TASP1: variants seen among roughly 807,000 people sequenced by gnomAD.
TASP1 encodes the protein threonine aspartase 1.
In TASP1, 16 loss-of-function variants were observed where a neutral mutation model predicts 56.6. The observed-to-expected ratio is 0.28, with a 90% CI of 0.19 to 0.43. TASP1 has a LOEUF of 0.43. Among genes scored for constraint, TASP1 ranks in the 20% least tolerant of loss-of-function variants. The pLI is 1.00. For missense variants in TASP1, 393 were observed against 511.6 expected (o/e 0.77, Z 2.24); for synonymous variants, 179 against 184.2 (o/e 0.97, Z 0.23).
At chr20:13,198,487 A>T in the TASP1 span, among the ~76,000 whole-genome samples, 1 of 152,170 alleles carries the variant, frequency 6.6e-6, no homozygotes, top group African/African-American at 2.4e-5. Context: ...TCCTAATACT[A>T]TCACATTGAG....
the TASP1 span, among the ~76,000 whole-genome samples, chr20:13,229,684 T>C: frequency 3.3e-5 from 5 of 152,238 alleles, no homozygotes; most frequent in Admixed American, 2.0e-4. Flanking sequence ...AAATTTCTAG[T>C]AGTAAGGCTG....
the TASP1 span, among the ~76,000 whole-genome samples, chr20:13,195,297 T>A: frequency 6.6e-6 from 1 of 152,232 alleles, no homozygotes; most frequent in Non-Finnish European, 1.5e-5. Flanking sequence ...CTAGATTTAC[T>A]TGGCCTTCCC....
At chr20:13,573,149 T>A (rs540891432) in intron 6 of TASP1, among the ~76,000 whole-genome samples, 7 of 152,364 alleles carry the variant, frequency 4.6e-5, no homozygotes, top group Middle Eastern at 6.8e-3. Flanking sequence ...AAATAACACA[T>A]AACAACCAAA....
intron 7 of TASP1, 127 bp downstream of exon 7, chr20:13,569,380 C>T (rs1601285445): frequency 1.5e-6 from 1 of 659,090 alleles, no homozygotes; most frequent in Non-Finnish European, 2.3e-6. Context: ...TAGCTTTTAA[C>T]TACAAATCTT....
At chr20:13,315,190 A>G in the TASP1 span, among the ~76,000 whole-genome samples, 2 of 152,110 alleles carry the variant, frequency 1.3e-5, no homozygotes, top group Non-Finnish European at 2.9e-5. Context: ...GTATTGATGT[A>G]ACTATATCAA....
chr20:13,439,298 C>T (rs948947983), intron 11 of TASP1, among the ~76,000 whole-genome samples: 3 of 152,178 alleles, frequency 2.0e-5, no homozygotes, highest in African/African-American at 7.2e-5. Flanking sequence ...AAATGTGGCA[C>T]ATATACACCA....
chr20:13,494,326 C>A (rs1228219171), intron 10 of TASP1, among the ~76,000 whole-genome samples: 1 of 152,130 alleles, frequency 6.6e-6, no homozygotes, highest in Non-Finnish European at 1.5e-5. Flanking sequence ...AAATATTTAC[C>A]ACTGAATGTA....
the TASP1 span, among the ~76,000 whole-genome samples, chr20:13,330,082 G>A: frequency 1.1e-4 from 17 of 151,678 alleles, no homozygotes; most frequent in South Asian, 2.1e-4. Flanking sequence ...TCAGCCTCCC[G>A]AGTAGCTGGG....
the TASP1 span, among the ~76,000 whole-genome samples, chr20:13,198,792 G>GTCTTTCTTTCTTTCTT: frequency 1.8e-5 from 2 of 114,040 alleles, no homozygotes; most frequent in East Asian, 2.6e-4. Flanking sequence ...TTCTTTCTTT[G>GTCTTTCTTTCTTTCTT]TCTTTCTTTC....
chr20:13,265,281 C>T, the TASP1 span, among the ~76,000 whole-genome samples: 1 of 152,166 alleles, frequency 6.6e-6, no homozygotes, highest in African/African-American at 2.4e-5. Context: ...TATTTCAGTT[C>T]AAACATTGCT....
intron 10 of TASP1, among the ~76,000 whole-genome samples, chr20:13,484,368 A>T (rs967617824): frequency 1.3e-5 from 2 of 152,196 alleles, no homozygotes; most frequent in African/African-American, 4.8e-5. Context: ...GTATGTTTCT[A>T]GCAGCACTCT....
chr20:13,318,747 A>T, the TASP1 span, among the ~76,000 whole-genome samples: 1 of 152,198 alleles, frequency 6.6e-6, no homozygotes, highest in Non-Finnish European at 1.5e-5. Flanking sequence ...TTTGAAACTC[A>T]GTGAAAAAAG....
the TASP1 span, among the ~76,000 whole-genome samples, chr20:13,297,468 T>G: frequency 1.3e-5 from 2 of 152,318 alleles, no homozygotes; most frequent in Admixed American, 1.3e-4. Flanking sequence ...TCATTTTCAC[T>G]GGAATCTTTT....
chr20:13,408,910 A>T (rs1271694504), intron 13 of TASP1, among the ~76,000 whole-genome samples: 1 of 150,824 alleles, frequency 6.6e-6, no homozygotes, highest in African/African-American at 2.4e-5. Flanking sequence ...AATTTCACTA[A>T]TTTTTTTTCA....
chr20:13,437,193 G>A (rs147946554), intron 11 of TASP1, among the ~76,000 whole-genome samples: 123 of 152,136 alleles, frequency 8.1e-4, no homozygotes, highest in African/African-American at 2.6e-3. Flanking sequence ...GGGATGCAAG[G>A]CTGGTTCAAC....
chr20:13,345,933 A>G, the TASP1 span, among the ~76,000 whole-genome samples: 14 of 146,994 alleles, frequency 9.5e-5, no homozygotes, highest in African/African-American at 3.2e-4. Flanking sequence ...AAAAAAAAAA[A>G]AAAAAAAAGA....
intron 12 of TASP1, among the ~76,000 whole-genome samples, chr20:13,421,139 G>A (rs1401965170): frequency 8.0e-6 from 1 of 124,958 alleles, no homozygotes; most frequent in Admixed American, 8.8e-5. Context: ...TTAAGACAGA[G>A]TTTTACTCTG....
At chr20:13,345,348 T>C in the TASP1 span, among the ~76,000 whole-genome samples, 229 of 152,340 alleles carry the variant, frequency 1.5e-3, no homozygotes, top group African/African-American at 5.2e-3. Context: ...CTTTGGGTGC[T>C]GGAGTTCACC....
the TASP1 span, among the ~76,000 whole-genome samples, chr20:13,179,406 C>CATGTGTGT: frequency 7.7e-5 from 11 of 143,400 alleles, no homozygotes; most frequent in African/African-American, 2.8e-4. Flanking sequence ...GAATTATGTG[C>CATGTGTGT]GTGTGTGTGT....
Sources: allele counts gnomAD v4.1 joint callset (sites outside exome capture counted in the v4.1 genomes callset), GRCh38; gene constraint gnomAD v4.1.1; transcripts MANE v1.5; gene names NCBI Gene and HGNC (gene_info 2026-07-23, HGNC 2026-07-21).